Variants in YWHAG observed in about 807,000 individuals in gnomAD.
The protein encoded by YWHAG is 14-3-3 protein gamma.
YWHAG carries 1 observed loss-of-function variant against 23.3 expected under a neutral mutation model. That is an observed-to-expected ratio of 0.04 (90% confidence interval 0.02 to 0.20). The LOEUF (loss-of-function observed/expected upper bound fraction) is 0.20, where lower values mean the gene tolerates loss of function less well. Among genes scored for constraint, YWHAG ranks in the 10% least tolerant of loss-of-function variants. The pLI is 1.00. For synonymous variants in YWHAG, 160 were observed against 144.0 expected (o/e 1.11, Z -0.80); for missense variants, 151 against 338.6 (o/e 0.45, Z 4.35).
chr7:76,354,902 A>G (rs945001941), intron 1 of YWHAG, among the ~76,000 whole-genome samples: 1 of 152,236 alleles, frequency 6.6e-6, no homozygotes, highest in Non-Finnish European at 1.5e-5. Context: ...TTCAAGTTCC[A>G]TAACTTTTTA....
intron 1 of YWHAG, among the ~76,000 whole-genome samples, chr7:76,355,235 AAC>A (rs1803936271): frequency 6.6e-6 from 1 of 152,226 alleles, no homozygotes; most frequent in South Asian, 2.1e-4. Context: ...CCTCGATAAA[AAC>A]ACATCGTTTT....
At position 76,328,080 on chromosome 7, in the gene YWHAG, CTGACTT is replaced by C. The variant is rs1391732021; in HGVS notation, c.*1491_*1496del. 6.6e-6 allele frequency: 1 copy of C among 152,016 alleles called. No individual in the cohort carries two copies. Among genetic ancestry groups the C allele is most frequent in the Non-Finnish European group, 1.5e-5 (1 of 68,026 alleles). The allele number at this position is 152,016 out of a possible 1,614,324, so 9.4% of individuals were successfully genotyped here. On this transcript the variant is annotated 3_prime_UTR_variant, in exon 2 of 2. Coordinates refer to ENST00000307630, the MANE Select transcript of YWHAG (RefSeq NM_012479.4). ...TACACGTCTCGGGAGTTCCTCGTCA[CTGACTT>C]TATATATATAAAAAAAAGAATGCAC...
rs537264784 is a variant in YWHAG, at chr7:76,335,472, G to C, written c.88-5239C>G. 2.0e-5 allele frequency among the ~76,000 whole-genome samples: 3 copies of C among 152,354 alleles called. No homozygotes were observed. The East Asian group carries it at 5.8e-4, about 29-fold the overall frequency. On this transcript the variant is annotated intron_variant, in intron 1 of 1. Transcript: ENST00000307630. ...AAGTAGAACTCCCCAAATCCCAGCT[G>C]CTAAGGAATCAGATGTTAATTAGTG...
intron 1 of YWHAG, among the ~76,000 whole-genome samples, chr7:76,332,415 G>T (rs1803558695): frequency 6.6e-6 from 1 of 152,178 alleles, no homozygotes. Context: ...GCAATCTTGG[G>T]GACAAGCCGC....
At chr7:76,351,662 G>A (rs1215308384) in intron 1 of YWHAG, among the ~76,000 whole-genome samples, 1 of 152,136 alleles carries the variant, frequency 6.6e-6, no homozygotes, top group Admixed American at 6.6e-5. Flanking sequence ...ACACAAAAGG[G>A]ATGTAGGCTG....
chr7:76,352,391 T>C (rs1803888967), intron 1 of YWHAG, among the ~76,000 whole-genome samples: 1 of 152,064 alleles, frequency 6.6e-6, no homozygotes, highest in South Asian at 2.1e-4. Context: ...GGTGGATCAG[T>C]GACTCCTCTT....
chr7:76,329,781 G>T lies in YWHAG; in HGVS notation c.540C>A (p.Ser180=), dbSNP rs368289861. Residue 180 remains serine, a synonymous_variant, in exon 2 of 2, where the codon TCC becomes TCA. Transcript: ENST00000307630. The surrounding 1 kb of genome is among the most constrained non-coding windows in gnomAD (Gnocchi z 6.1). ...PIRLGLALNY[S]VFYYEIQNAP... is the part of the protein sequence containing the mutation. Reference sequence around the variant, plus strand: ...CGTTCTGGATCTCATAGTAGAAGACGGAGTAGTTAAGAGCCAGGCCTAATC... The same window carrying T: ...CGTTCTGGATCTCATAGTAGAAGACTGAGTAGTTAAGAGCCAGGCCTAATC... The T allele has an allele frequency of 6.2e-7, 1 of 1,614,030 alleles. No homozygotes were observed. The highest frequency in any genetic ancestry group is 8.5e-7 in the Non-Finnish European group (1 of 1,180,016).
At position 76,329,694 on chromosome 7, in the gene YWHAG, G is replaced by A. The variant is rs370378730; in HGVS notation, c.627C>T (p.Asp209=). ...TAFDDAIAEL[D]TLNEDSYKDS... ...CCTTGTAGGAGTCCTCGTTGAGGGT[G>A]TCAAGCTCGGCGATGGCGTCGTCGA... Residue 209 remains aspartate (D), a synonymous_variant, in exon 2 of 2, where the codon GAC becomes GAT. Coordinates refer to ENST00000307630, the MANE Select transcript of YWHAG (RefSeq NM_012479.4). The surrounding 1 kb of genome is among the most constrained non-coding windows in gnomAD (Gnocchi z 6.1). 1 of 1,614,260 alleles carries A rather than the reference G, an allele frequency of 6.2e-7. No homozygotes were observed. The highest frequency in any genetic ancestry group is 8.5e-7 in the Non-Finnish European group (1 of 1,180,048).
chr7:76,330,924 T>C (rs960872296), intron 1 of YWHAG, among the ~76,000 whole-genome samples: 1 of 152,048 alleles, frequency 6.6e-6, no homozygotes, highest in Non-Finnish European at 1.5e-5. Flanking sequence ...TTCTCAAGGC[T>C]CCCGCCCTCA....
intron 1 of YWHAG, among the ~76,000 whole-genome samples, chr7:76,348,933 C>T (rs2115640767): frequency 6.6e-6 from 1 of 152,052 alleles, no homozygotes; most frequent in Non-Finnish European, 1.5e-5. Context: ...AGAAGATTAT[C>T]ACTTTATAAA....
chr7:76,355,003 G>A (rs1341629456), intron 1 of YWHAG, among the ~76,000 whole-genome samples: 1 of 152,108 alleles, frequency 6.6e-6, no homozygotes, highest in African/African-American at 2.4e-5. Context: ...GACAATTATC[G>A]CTGGCTGTGA....
At chr7:76,333,913 G>C (rs944573292) in intron 1 of YWHAG, among the ~76,000 whole-genome samples, 1 of 152,210 alleles carries the variant, frequency 6.6e-6, no homozygotes, top group African/African-American at 2.4e-5. Flanking sequence ...AGTCCTGGGG[G>C]CACTCCTCCT....
chr7:76,339,093 T>TAAA (rs1341159834), intron 1 of YWHAG, among the ~76,000 whole-genome samples: 1,551 of 152,380 alleles, frequency 0.01, 31 homozygotes, highest in African/African-American at 0.035. Flanking sequence ...CCAGTAATTT[T>TAAA]ATATAAACAG....
intron 1 of YWHAG, among the ~76,000 whole-genome samples, chr7:76,332,691 C>CTT (rs1335846429): frequency 6.7e-5 from 9 of 134,770 alleles, no homozygotes; most frequent in South Asian, 2.4e-4. Flanking sequence ...TGGCTGATTT[C>CTT]TTTTTTTTTT....
intron 1 of YWHAG, among the ~76,000 whole-genome samples, chr7:76,337,404 A>G (rs2115609203): frequency 6.6e-6 from 1 of 152,316 alleles, no homozygotes; most frequent in East Asian, 1.9e-4. Context: ...CCTGGTAGAC[A>G]GCATTTCTCA....
intron 1 of YWHAG, among the ~76,000 whole-genome samples, chr7:76,338,495 CCA>C (rs756143238): frequency 7.2e-5 from 11 of 152,036 alleles, no homozygotes; most frequent in Non-Finnish European, 1.2e-4. Context: ...TGACTTTTCC[CCA>C]GAGTCACCTC....
chr7:76,332,126 G>C (rs542196263), intron 1 of YWHAG, among the ~76,000 whole-genome samples: 4 of 152,264 alleles, frequency 2.6e-5, no homozygotes, highest in African/African-American at 9.6e-5. Context: ...CCTACCAGCC[G>C]TGCCCTCAGT....
chr7:76,342,122 T>C (rs999012201), intron 1 of YWHAG, among the ~76,000 whole-genome samples: 2 of 152,182 alleles, frequency 1.3e-5, no homozygotes, highest in African/African-American at 2.4e-5. Flanking sequence ...CATCTAGTAA[T>C]GTAGTGCAGG....
chr7:76,358,915 A>G lies in YWHAG; in HGVS notation c.-107T>C. On this transcript the variant is annotated 5_prime_UTR_variant, in exon 1 of 2. Coordinates refer to ENST00000307630, the MANE Select transcript of YWHAG (RefSeq NM_012479.4). ...AGTGCCGGAGAGGACCGACCCACAG[A>G]GCGAGCAGCTGAGGCGGCGGCTGCG... The G allele has an allele frequency of 1.9e-6, 2 of 1,078,620 alleles. No individual in the cohort carries two copies. The highest frequency in any genetic ancestry group is 3.5e-5 in the Admixed American group (1 of 28,918). 66.8% of individuals were successfully genotyped at this position (1,078,620 alleles called of 1,614,324 possible).
Sources: allele counts gnomAD v4.1 joint callset (sites outside exome capture counted in the v4.1 genomes callset), GRCh38; gene constraint gnomAD v4.1.1; non-coding constraint Gnocchi (gnomAD v3.1); transcripts MANE v1.5; gene names NCBI Gene and HGNC (gene_info 2026-07-23, HGNC 2026-07-21).